Variants in DIP2C observed in about 807,000 individuals in gnomAD.
The protein encoded by DIP2C is disco-interacting protein 2 homolog C.
DIP2C carries 33 observed loss-of-function variants against 192.4 expected under a neutral mutation model. The observed-to-expected ratio is 0.17, with a 90% confidence interval of 0.13 to 0.23. The LOEUF is 0.23. DIP2C is among the 10% of genes least tolerant of loss of function. DIP2C has a pLI of 1.00. For synonymous variants in DIP2C, 979 were observed against 864.1 expected (o/e 1.13, Z -2.33); for missense variants, 1,537 against 2,110.1 (o/e 0.73, Z 5.32).
chr10:672,301 G>A lies in DIP2C; in HGVS notation c.85+17193C>T, dbSNP rs75004640. Among the ~76,000 whole-genome samples the A allele has an allele frequency of 3.2e-4, 48 of 151,328 alleles. No individual in the cohort carries two copies. In the East Asian group the frequency reaches 7.5e-3, roughly 24 times the overall value. On this transcript the variant is annotated intron_variant, in intron 1 of 36. Transcript: ENST00000280886. ...CGGAGAAAACAGGCCACACACGCAC[G>A]CATGGAGAAAACGCCACAGACCCAC...
intron 2 of DIP2C, among the ~76,000 whole-genome samples, chr10:480,705 GATTC>G (rs902802740): frequency 2.0e-5 from 3 of 152,222 alleles, no homozygotes; most frequent in Non-Finnish European, 4.4e-5. Context: ...CGAGGAATGC[GATTC>G]ATTAAATGTT....
intron 28 of DIP2C, 28 bp downstream of exon 28, chr10:344,781 G>GGCCACCGCCCGCA: frequency 6.4e-7 from 1 of 1,557,248 alleles, no homozygotes; most frequent in Admixed American, 1.9e-5. Context: ...TTGCCTCCAT[G>GGCCACCGCCCGCA]GCCACCGCCC....
At chr10:418,791 C>T (rs554327826) in intron 6 of DIP2C, among the ~76,000 whole-genome samples, 2 of 152,366 alleles carry the variant, frequency 1.3e-5, no homozygotes, top group East Asian at 1.9e-4. Context: ...GCAGCAAAAA[C>T]GGCAGCAAAT....
At chr10:371,539 G>T (rs144359250) in intron 17 of DIP2C, among the ~76,000 whole-genome samples, 1 of 152,236 alleles carries the variant, frequency 6.6e-6, no homozygotes, top group Non-Finnish European at 1.5e-5. Flanking sequence ...AGAAGCTCAC[G>T]TGACGATGGA....
intron 1 of DIP2C, among the ~76,000 whole-genome samples, chr10:562,316 G>T (rs571082693): frequency 6.6e-6 from 1 of 152,220 alleles, no homozygotes; most frequent in Non-Finnish European, 1.5e-5. Flanking sequence ...GAGCTCACTT[G>T]AGCACTAATG....
At chr10:386,527 C>T (rs1035440201) in intron 14 of DIP2C, among the ~76,000 whole-genome samples, 4 of 152,186 alleles carry the variant, frequency 2.6e-5, no homozygotes, top group African/African-American at 9.6e-5. Context: ...ACTGCACCAG[C>T]ACACAGTGGT....
intron 1 of DIP2C, among the ~76,000 whole-genome samples, chr10:548,217 C>CCCCG (rs1554897846): frequency 1.5e-4 from 19 of 129,854 alleles, no homozygotes; most frequent in Non-Finnish European, 2.6e-4. Context: ...CACCCCCCCC[C>CCCCG]CCACAGGAAA....
Position 635,354 on chromosome 10 carries a change from A to G in DIP2C, c.85+54140T>C, listed in dbSNP as rs542378238. ...CCTGGGCTGTGATCGCCCCTCACAG[A>G]CTGGGATAACAGTGGCCTCATCTGG... is the stretch of plus-strand genomic sequence containing the variant. On this transcript the variant is annotated intron_variant, in intron 1 of 36. Coordinates refer to ENST00000280886, the MANE Select transcript of DIP2C (RefSeq NM_014974.3). Among the ~76,000 whole-genome samples the G allele has an allele frequency of 3.7e-4, 57 of 152,336 alleles. No individual in the cohort carries two copies. In the Middle Eastern group the frequency reaches 0.014, roughly 36 times the overall value.
At chr10:461,473 CAAG>C (rs959791101) in intron 3 of DIP2C, among the ~76,000 whole-genome samples, 84 of 152,304 alleles carry the variant, frequency 5.5e-4, no homozygotes, top group African/African-American at 2.0e-3. Context: ...ATCAATACAA[CAAG>C]AAGGGCCAAC....
At chr10:603,298 C>CAAAAAAAAAAAAAAAAAAAAAAAAAAA (rs71376842) in intron 1 of DIP2C, among the ~76,000 whole-genome samples, 1 of 45,882 alleles carries the variant, frequency 2.2e-5, no homozygotes, top group African/African-American at 1.2e-4. Context: ...GACTCCATCT[C>CAAAAAAAAAAAAAAAAAAAAAAAAAAA]AAAAAAAAAA....
intron 25 of DIP2C, 111 bp from the exon 26 acceptor site, chr10:348,873 C>A: frequency 6.7e-7 from 1 of 1,484,384 alleles, no homozygotes; most frequent in African/African-American, 1.4e-5. Context: ...AAACGAGCAG[C>A]TGAGCTTCTC....
intron 1 of DIP2C, among the ~76,000 whole-genome samples, chr10:612,581 C>T (rs1431423447): frequency 6.6e-6 from 1 of 152,258 alleles, no homozygotes; most frequent in East Asian, 1.9e-4. Context: ...AATATGAACC[C>T]TCCCATCTGC....
chr10:612,614 T>C (rs542396065), intron 1 of DIP2C, among the ~76,000 whole-genome samples: 9 of 152,286 alleles, frequency 5.9e-5, no homozygotes, highest in African/African-American at 2.2e-4. Flanking sequence ...TCTACGTCCT[T>C]TGAAAGGCTG....
At chr10:588,302 A>G (rs1851199527) in intron 1 of DIP2C, among the ~76,000 whole-genome samples, 1 of 152,244 alleles carries the variant, frequency 6.6e-6, no homozygotes, top group Non-Finnish European at 1.5e-5. Flanking sequence ...CAGCCACAGG[A>G]GGGCAGGGAA....
At position 276,533 on chromosome 10, in the gene DIP2C, C is replaced by T. The variant is rs903162893; in HGVS notation, c.*792G>A. 3 of 152,558 alleles carry T rather than the reference C, an allele frequency of 2.0e-5. No individual in the cohort carries two copies. Among genetic ancestry groups the T allele is most frequent in the Non-Finnish European group, 4.4e-5 (3 of 68,020 alleles). The allele number at this position is 152,558 out of a possible 1,614,324, so 9.5% of individuals were successfully genotyped here. ...TTTTATATTAGCAAACATTACAAGA[C>T]TTTAATATTCTTGAATGTTTTTCTC... On this transcript the variant is annotated 3_prime_UTR_variant, in exon 37 of 37. Coordinates refer to ENST00000280886, the MANE Select transcript of DIP2C (RefSeq NM_014974.3).
At chr10:592,424 CG>C (rs2131643430) in intron 1 of DIP2C, among the ~76,000 whole-genome samples, 1 of 152,286 alleles carries the variant, frequency 6.6e-6, no homozygotes, top group East Asian at 1.9e-4. Context: ...AAATGTCCAT[CG>C]ATACGAAAAC....
chr10:587,716 C>T (rs1279972658), intron 1 of DIP2C, among the ~76,000 whole-genome samples: 5 of 125,322 alleles, frequency 4.0e-5, no homozygotes, highest in Admixed American at 3.8e-4. Flanking sequence ...CAGCCCTGAC[C>T]CTCCTGAAAC....
chr10:390,165 T>C, intron 12 of DIP2C, 72 bp from the exon 13 acceptor site: 1 of 1,579,470 alleles, frequency 6.3e-7, no homozygotes, highest in Admixed American at 1.7e-5. Context: ...CTTGAGGTTC[T>C]CCAAGTCCCT....
intron 1 of DIP2C, among the ~76,000 whole-genome samples, chr10:570,647 C>T (rs899680850): frequency 6.6e-6 from 1 of 152,192 alleles, no homozygotes; most frequent in Non-Finnish European, 1.5e-5. Flanking sequence ...CTGCACCTAT[C>T]GCCTTTCTCA....
Sources: gnomAD v4.1 joint callset for allele counts (sites outside exome capture counted in the v4.1 genomes callset) on GRCh38, gnomAD v4.1.1 for gene constraint, MANE v1.5 for transcripts, NCBI Gene and HGNC (gene_info 2026-07-23, HGNC 2026-07-21) for gene names.